ZBTB8OS: variants seen among roughly 807,000 people sequenced by gnomAD.
ZBTB8OS encodes the protein tRNA-splicing ligase-activating factor archease.
Under a neutral mutation model 29.3 loss-of-function variants are expected in ZBTB8OS, and 16 were observed. That is an observed-to-expected ratio of 0.55 (90% confidence interval 0.37 to 0.83). ZBTB8OS has a LOEUF of 0.83. ZBTB8OS is among the 40% of genes least tolerant of loss of function. The pLI is 0.00. For missense variants in ZBTB8OS, 160 were observed against 196.9 expected, an observed-to-expected ratio of 0.81 and a Z score of 1.12; for synonymous variants, 70 against 64.6, an observed-to-expected ratio of 1.08 and a Z score of -0.40.
intron 6 of ZBTB8OS, among the ~76,000 whole-genome samples, chr1:32,624,750 C>T (rs987336127): frequency 1.3e-5 from 2 of 151,060 alleles, no homozygotes; most frequent in Admixed American, 1.3e-4. Flanking sequence ...AAAAATTAGC[C>T]GGCTGTGGTG....
intron 1 of ZBTB8OS, among the ~76,000 whole-genome samples, chr1:32,644,014 C>T (rs951123356): frequency 2.0e-5 from 3 of 151,620 alleles, no homozygotes; most frequent in Non-Finnish European, 4.4e-5. Flanking sequence ...TCTCTCGGCC[C>T]CAAGGAAGGG....
At chr1:32,644,477 G>A (rs140255329) in intron 1 of ZBTB8OS, among the ~76,000 whole-genome samples, 1 of 150,870 alleles carries the variant, frequency 6.6e-6, no homozygotes, top group Non-Finnish European at 1.5e-5. Flanking sequence ...CTCCCAAAGT[G>A]TTGGGATTAT....
rs561068631 is a variant in ZBTB8OS, at chr1:32,628,411, C to A, written c.381-867G>T. Reference sequence around the variant, plus strand: ...CAGCACTTTGGGAGGCCGAGGTAGGCGGATCACCTGAGGTCAGGAGTTCAA... The same window carrying A: ...CAGCACTTTGGGAGGCCGAGGTAGGAGGATCACCTGAGGTCAGGAGTTCAA... On this transcript the variant is annotated intron_variant, in intron 5 of 6. Coordinates refer to ENST00000468695, the MANE Select transcript of ZBTB8OS (RefSeq NM_178547.5). 1.3e-5 allele frequency among the ~76,000 whole-genome samples: 2 copies of A among 148,990 alleles called. 1 individual carries two copies. Among genetic ancestry groups the A allele is most frequent in the Non-Finnish European group, 3.0e-5 (2 of 67,288 alleles).
chr1:32,627,393 G>A, intron 6 of ZBTB8OS, 115 bp downstream of exon 6: 1 of 907,956 alleles, frequency 1.1e-6, no homozygotes. Flanking sequence ...AGAGAAGCTT[G>A]AGAAAAACTT....
intron 6 of ZBTB8OS, among the ~76,000 whole-genome samples, chr1:32,624,810 C>T (rs1182833519): frequency 1.3e-5 from 2 of 151,716 alleles, no homozygotes; most frequent in Admixed American, 1.3e-4. Flanking sequence ...AGGAGAATCG[C>T]TTGAACCTGG....
upstream of ZBTB8OS, chr1:32,650,921 A>T: frequency 2.2e-6 from 1 of 463,632 alleles, no homozygotes; most frequent in Non-Finnish European, 3.8e-6. Flanking sequence ...AATAGCCTTC[A>T]AGAAAATGGC....
chr1:32,631,231 G>C (rs775006713), intron 5 of ZBTB8OS, among the ~76,000 whole-genome samples: 1 of 151,176 alleles, frequency 6.6e-6, no homozygotes, highest in Non-Finnish European at 1.5e-5. Context: ...TGGCACACTT[G>C]GTGGTCCCAG....
intron 1 of ZBTB8OS, among the ~76,000 whole-genome samples, chr1:32,643,160 T>C (rs1278925072): frequency 1.4e-5 from 2 of 143,276 alleles, no homozygotes; most frequent in South Asian, 2.4e-4. Flanking sequence ...AACCTCTGCC[T>C]CCCAGGTTCA....
At chr1:32,632,184 T>C (rs1645616886) in intron 4 of ZBTB8OS, 1 of 174,232 alleles carries the variant, frequency 5.7e-6, no homozygotes, top group Non-Finnish European at 1.2e-5. Flanking sequence ...TTTTTTTGTA[T>C]TTTTAGTAGA....
At chr1:32,629,426 C>T (rs750640363) in intron 5 of ZBTB8OS, among the ~76,000 whole-genome samples, 37 of 150,094 alleles carry the variant, frequency 2.5e-4, no homozygotes, top group Admixed American at 5.3e-4. Context: ...AAAACAAAAA[C>T]AACAAAAACA....
In ZBTB8OS at chr1:32,631,887, G is replaced by T; in HGVS notation, c.328-8C>A. ...GCTAAGTACTTTCACTTCCTAGACA[G>T]GAAGAAAAATTTTTTAATTAAAAAA... is the stretch of plus-strand genomic sequence containing the variant. On this transcript the variant is annotated splice_polypyrimidine_tract_variant and splice_region_variant and intron_variant, in intron 4 of 6. Coordinates refer to ENST00000468695, the MANE Select transcript of ZBTB8OS (RefSeq NM_178547.5). 6.7e-7 allele frequency: 1 copy of T among 1,490,950 alleles called. No homozygotes were observed. The highest frequency in any genetic ancestry group is 9.0e-7 in the Non-Finnish European group (1 of 1,112,326). 92.4% of individuals were successfully genotyped at this position (1,490,950 alleles called of 1,614,324 possible). A position where few individuals can be genotyped will look rare whatever the true frequency, so the allele number is the denominator to read the frequency against.
At chr1:32,643,469 A>G (rs1646593496) in intron 1 of ZBTB8OS, among the ~76,000 whole-genome samples, 1 of 151,586 alleles carries the variant, frequency 6.6e-6, no homozygotes, top group Non-Finnish European at 1.5e-5. Context: ...CATGGCTCAC[A>G]GCAGCCTTGA....
chr1:32,648,920 T>C (rs2148490169), intron 1 of ZBTB8OS, among the ~76,000 whole-genome samples: 1 of 143,494 alleles, frequency 7.0e-6, no homozygotes, highest in Admixed American at 7.1e-5. Context: ...CGCCTCAACC[T>C]CCCAAAGTGC....
chr1:32,637,705 G>A (rs1382395721), intron 1 of ZBTB8OS, among the ~76,000 whole-genome samples: 1 of 152,154 alleles, frequency 6.6e-6, no homozygotes, highest in Non-Finnish European at 1.5e-5. Flanking sequence ...AGAGCAAAAG[G>A]GAACTTTCTC....
chr1:32,649,135 T>C (rs1371284058), intron 1 of ZBTB8OS, among the ~76,000 whole-genome samples: 1 of 151,312 alleles, frequency 6.6e-6, no homozygotes, highest in East Asian at 1.9e-4. Flanking sequence ...GCGCAGCTAA[T>C]TTTTGTATTT....
At chr1:32,648,705 C>G (rs550242947) in intron 1 of ZBTB8OS, among the ~76,000 whole-genome samples, 2 of 152,290 alleles carry the variant, frequency 1.3e-5, no homozygotes, top group African/African-American at 4.8e-5. Context: ...GTCGCCCAGG[C>G]TGGAGTGCAG....
rs71006345 is a variant in ZBTB8OS at position 32,631,992 on chromosome 1, C to CTTT, written c.328-116_328-114dup. On this transcript the variant is annotated intron_variant, in intron 4 of 6. Transcript: ENST00000468695. ...ACCATCTACTAAAAATTGGTAAAAC[C>CTTT]TTTTTTTTTTTTTTTTTTTTTTTTT... 1.5e-3 allele frequency: 209 copies of CTTT among 135,636 alleles called. 3 individuals carry two copies. The highest frequency in any genetic ancestry group is 3.6e-3 in the South Asian group (34 of 9,344). The allele number at this position is 135,636 out of a possible 1,614,324, so 8.4% of individuals were successfully genotyped here.
chr1:32,637,157 C>T (rs980766725), intron 1 of ZBTB8OS, among the ~76,000 whole-genome samples: 3 of 152,104 alleles, frequency 2.0e-5, no homozygotes, highest in Non-Finnish European at 4.4e-5. Flanking sequence ...CCACACAAAT[C>T]AGAATGGAGC....
chr1:32,648,654 C>T (rs1647034427), intron 1 of ZBTB8OS, among the ~76,000 whole-genome samples: 1 of 152,114 alleles, frequency 6.6e-6, no homozygotes. Context: ...ATATATATGA[C>T]CTATTAAAAA....
Sources: gnomAD v4.1 joint callset for allele counts (sites outside exome capture counted in the v4.1 genomes callset) on GRCh38, gnomAD v4.1.1 for gene constraint, MANE v1.5 for transcripts, NCBI Gene and HGNC (gene_info 2026-07-23, HGNC 2026-07-21) for gene names.